Variants in HYCC2 observed in about 807,000 individuals in gnomAD.
The protein encoded by HYCC2 is hyccin 2.
chr2:201,053,025 T>G, the HYCC2 span, among the ~76,000 whole-genome samples: 9 of 152,116 alleles, frequency 5.9e-5, no homozygotes, highest in Non-Finnish European at 1.3e-4. Flanking sequence ...ACCAATTCCA[T>G]TGAGGATGGG....
chr2:200,987,504 G>A, the HYCC2 span: 1 of 1,289,758 alleles, frequency 7.8e-7, no homozygotes, highest in Non-Finnish European at 1.0e-6. Flanking sequence ...GAATACTCGA[G>A]TCAGCCTCGT....
At chr2:201,035,222 G>A in the HYCC2 span, among the ~76,000 whole-genome samples, 8 of 152,116 alleles carry the variant, frequency 5.3e-5, no homozygotes, top group South Asian at 4.1e-4. Context: ...CATTCTCCCC[G>A]TCACTTTCAG....
chr2:201,056,969 G>A, the HYCC2 span, among the ~76,000 whole-genome samples: 1 of 152,202 alleles, frequency 6.6e-6, no homozygotes, highest in African/African-American at 2.4e-5. Flanking sequence ...CAATAGCAAT[G>A]CCCTGAATTG....
chr2:201,050,990 G>A, the HYCC2 span, among the ~76,000 whole-genome samples: 2 of 152,014 alleles, frequency 1.3e-5, no homozygotes, highest in African/African-American at 4.8e-5. Context: ...AATTAACACA[G>A]ACATTACAAG....
At chr2:201,022,777 G>A in the HYCC2 span, 21 of 1,096,076 alleles carry the variant, frequency 1.9e-5, no homozygotes, top group Non-Finnish European at 2.7e-5. Context: ...TATGTGTTTT[G>A]GTATACATAT....
the HYCC2 span, among the ~76,000 whole-genome samples, chr2:201,034,256 A>G: frequency 6.6e-6 from 1 of 152,196 alleles, no homozygotes; most frequent in African/African-American, 2.4e-5. Context: ...TTTATGAAAA[A>G]GAAAACAAAA....
chr2:201,070,288 C>T, the HYCC2 span, among the ~76,000 whole-genome samples: 1 of 151,938 alleles, frequency 6.6e-6, no homozygotes, highest in Non-Finnish European at 1.5e-5. Flanking sequence ...GTTCAGAGTC[C>T]ACTTTTTAAA....
chr2:201,040,171 CAAAAAAA>C, the HYCC2 span, among the ~76,000 whole-genome samples: 1 of 75,442 alleles, frequency 1.3e-5, no homozygotes, highest in African/African-American at 5.1e-5. Context: ...GACTCTGTCT[CAAAAAAA>C]AAAAAAAAGT....
the HYCC2 span, among the ~76,000 whole-genome samples, chr2:200,993,825 C>CA: frequency 9.1e-4 from 127 of 139,942 alleles, no homozygotes; most frequent in East Asian, 2.9e-3. Flanking sequence ...ACTAAAAATA[C>CA]AAAAAAAAAA....
the HYCC2 span, among the ~76,000 whole-genome samples, chr2:201,054,748 A>C: frequency 1.3e-5 from 2 of 152,204 alleles, no homozygotes; most frequent in African/African-American, 2.4e-5. Context: ...AGAACCTAAA[A>C]ACATATTGGA....
the HYCC2 span, among the ~76,000 whole-genome samples, chr2:201,060,052 A>C: frequency 2.1e-5 from 1 of 46,762 alleles, no homozygotes; most frequent in African/African-American, 6.4e-5. Flanking sequence ...CTAAAAAAAA[A>C]GCGGGGGGGG....
the HYCC2 span, chr2:201,023,970 A>C: frequency 1.2e-6 from 2 of 1,613,088 alleles, no homozygotes; most frequent in Non-Finnish European, 1.7e-6. Flanking sequence ...TTGAATTCTG[A>C]TAACCATTCT....
the HYCC2 span, among the ~76,000 whole-genome samples, chr2:201,044,386 G>C: frequency 6.6e-6 from 1 of 152,172 alleles, no homozygotes; most frequent in Non-Finnish European, 1.5e-5. Context: ...ACCAGAGATG[G>C]TAATGGCAAC....
At chr2:201,070,861 C>G in the HYCC2 span, among the ~76,000 whole-genome samples, 2 of 152,020 alleles carry the variant, frequency 1.3e-5, no homozygotes, top group Admixed American at 1.3e-4. Context: ...AGCCTTGACC[C>G]TCAAATAAAT....
chr2:200,981,325 A>G, the HYCC2 span: 2 of 1,614,072 alleles, frequency 1.2e-6, no homozygotes, highest in Non-Finnish European at 1.7e-6. This position sits in a 1 kb window ranked among gnomAD's most constrained non-coding sequence, Gnocchi z 4.5. Context: ...CTGCTTGGTC[A>G]AGGGGGCTCC....
chr2:201,014,585 A>C, the HYCC2 span, among the ~76,000 whole-genome samples: 6 of 152,280 alleles, frequency 3.9e-5, no homozygotes, highest in East Asian at 1.2e-3. Flanking sequence ...AAAACACCTA[A>C]TAAGTGGCAG....
At chr2:200,997,672 T>C in the HYCC2 span, 2 of 596,488 alleles carry the variant, frequency 3.4e-6, no homozygotes, top group African/African-American at 3.8e-5. Flanking sequence ...CTCAAAGGTT[T>C]CCCTGTTTAT....
the HYCC2 span, chr2:201,022,818 TGA>T: frequency 3.6e-5 from 54 of 1,495,218 alleles, no homozygotes. Flanking sequence ...TTATTTTTCT[TGA>T]GGTCTCCTAC....
At chr2:201,001,754 C>T in the HYCC2 span, among the ~76,000 whole-genome samples, 1 of 152,002 alleles carries the variant, frequency 6.6e-6, no homozygotes, top group African/African-American at 2.4e-5. Flanking sequence ...CTCACTGCAA[C>T]CTCCGCCTCC....
Sources: gnomAD v4.1 joint callset for allele counts (sites outside exome capture counted in the v4.1 genomes callset) on GRCh38, gnomAD v4.1.1 for gene constraint, Gnocchi (gnomAD v3.1) non-coding constraint, MANE v1.5 for transcripts, NCBI Gene and HGNC (gene_info 2026-07-23, HGNC 2026-07-21) for gene names.